The following PTPRT variants were observed in gnomAD, a reference collection of about 807,000 sequenced individuals.
The protein encoded by PTPRT is receptor-type tyrosine-protein phosphatase T.
PTPRT carries 56 observed loss-of-function variants against 176.8 expected under a neutral mutation model. That is an observed-to-expected ratio of 0.32 (90% CI 0.26 to 0.40). The LOEUF is 0.40. Ranked by LOEUF, PTPRT falls within the 10% of genes least tolerant of loss-of-function variation. The pLI is 1.00. For synonymous variants in PTPRT, 783 were observed against 739.0 expected (o/e 1.06, Z -0.96); for missense variants, 1,540 against 1,908.2 (o/e 0.81, Z 3.60).
intron 1 of PTPRT, among the ~76,000 whole-genome samples, chr20:43,063,020 T>C (rs1002538723): frequency 6.6e-6 from 1 of 152,284 alleles, no homozygotes; most frequent in Middle Eastern, 3.4e-3. Context: ...ACCTCCACAC[T>C]CAGAAAATTG....
intron 7 of PTPRT, among the ~76,000 whole-genome samples, chr20:42,669,037 G>A (rs2075369569): frequency 6.6e-6 from 1 of 151,880 alleles, no homozygotes; most frequent in Non-Finnish European, 1.5e-5. Flanking sequence ...GTCTCAATCA[G>A]AGGCTCCATA....
At chr20:42,554,861 TG>T (rs1261013704) in intron 7 of PTPRT, among the ~76,000 whole-genome samples, 15 of 152,230 alleles carry the variant, frequency 9.9e-5, no homozygotes, top group Middle Eastern at 3.4e-3. Context: ...TGAGGCAAGT[TG>T]GGGAGTTATT....
At chr20:42,147,838 A>G (rs1016252019) in intron 17 of PTPRT, among the ~76,000 whole-genome samples, 1 of 152,140 alleles carries the variant, frequency 6.6e-6, no homozygotes, top group African/African-American at 2.4e-5. Context: ...AGGGATGCCT[A>G]ATAGAGCCTC....
At chr20:42,253,311 G>T (rs771083558) in intron 13 of PTPRT, among the ~76,000 whole-genome samples, 1 of 152,104 alleles carries the variant, frequency 6.6e-6, no homozygotes, top group Non-Finnish European at 1.5e-5. Context: ...CCAGCAGTAG[G>T]TCCATATAGA....
At chr20:42,299,721 C>T (rs1370792613) in intron 12 of PTPRT, among the ~76,000 whole-genome samples, 2 of 137,146 alleles carry the variant, frequency 1.5e-5, no homozygotes, top group African/African-American at 5.5e-5. Context: ...TATCTCATCT[C>T]ACTGCAGCCT....
At chr20:42,529,545 G>T (rs2072341137) in intron 7 of PTPRT, among the ~76,000 whole-genome samples, 1 of 152,062 alleles carries the variant, frequency 6.6e-6, no homozygotes, top group African/African-American at 2.4e-5. Flanking sequence ...GGAGTACACT[G>T]GCATGATCTC....
chr20:42,086,751 A>AT (rs58059394), intron 27 of PTPRT, among the ~76,000 whole-genome samples: 4 of 96,562 alleles, frequency 4.1e-5, no homozygotes, highest in African/African-American at 1.5e-4. Flanking sequence ...AAAAAAAAAA[A>AT]AAATATATAT....
chr20:42,157,624 T>TCC (rs199994565), intron 17 of PTPRT, among the ~76,000 whole-genome samples: 19 of 151,046 alleles, frequency 1.3e-4, no homozygotes, highest in Non-Finnish European at 1.8e-4. Context: ...GGGATTTTCT[T>TCC]CCCCCCCCAA....
At position 42,452,622 on chromosome 20, in the gene PTPRT, C is replaced by T. The variant is rs147720498; in HGVS notation, c.1451-4293G>A. ...TTCATTCATTTGAGGGTCTATCTGA[C>T]GGAAATTGAGGAGGGTGTGTCTGAT... On this transcript the variant is annotated intron_variant, in intron 8 of 30. Coordinates refer to ENST00000373187, the MANE Select transcript of PTPRT (RefSeq NM_007050.6). 1.9e-3 allele frequency among the ~76,000 whole-genome samples: 282 copies of T among 152,042 alleles called. 1 individual carries two copies. The highest frequency in any genetic ancestry group is 6.1e-3 in the African/African-American group (251 of 41,462).
chr20:43,131,576 C>G (rs778928277), intron 1 of PTPRT, among the ~76,000 whole-genome samples: 8 of 152,178 alleles, frequency 5.3e-5, no homozygotes, highest in Non-Finnish European at 1.0e-4. Context: ...TAAGTATCCT[C>G]TGTCTTGTCA....
chr20:42,810,001 A>C (rs2077674178), intron 2 of PTPRT, among the ~76,000 whole-genome samples: 1 of 152,142 alleles, frequency 6.6e-6, no homozygotes, highest in South Asian at 2.1e-4. Context: ...TACTAATAAA[A>C]TAGAGTAGGG....
intron 9 of PTPRT, among the ~76,000 whole-genome samples, chr20:42,446,537 A>T (rs1001308157): frequency 1.3e-5 from 2 of 151,906 alleles, no homozygotes; most frequent in Non-Finnish European, 2.9e-5. Context: ...TCTGCTTTAC[A>T]AAGAAAAGTT....
chr20:42,355,944 C>T (rs1408912370), intron 9 of PTPRT, among the ~76,000 whole-genome samples: 1 of 152,172 alleles, frequency 6.6e-6, no homozygotes, highest in Non-Finnish European at 1.5e-5. Flanking sequence ...CCTGGTATTA[C>T]AGGATCCTCA....
chr20:42,725,040 T>G (rs1466697981), intron 6 of PTPRT, among the ~76,000 whole-genome samples: 1 of 151,392 alleles, frequency 6.6e-6, no homozygotes, highest in Non-Finnish European at 1.5e-5. Flanking sequence ...TGTGTGTGTG[T>G]GTTTGAGACT....
intron 2 of PTPRT, among the ~76,000 whole-genome samples, chr20:42,813,232 C>CG (rs2077726746): frequency 6.6e-6 from 1 of 152,126 alleles, no homozygotes; most frequent in Non-Finnish European, 1.5e-5. Context: ...CCTGAACCCT[C>CG]GCTTTATTGA....
At position 43,188,752 on chromosome 20, in the gene PTPRT, G is replaced by A. The variant is rs1009402331; in HGVS notation, c.88+894C>T. Reference sequence around the variant, plus strand: ...CTCTTCCCTCCGCCGCTACTCTTGGGGGGGGGGGGGCTCGGGGGTGGAAGC... The same window carrying A: ...CTCTTCCCTCCGCCGCTACTCTTGGAGGGGGGGGGGCTCGGGGGTGGAAGC... On this transcript the variant is annotated intron_variant, in intron 1 of 30. Transcript: ENST00000373187. Among the ~76,000 whole-genome samples the A allele has an allele frequency of 1.5e-5, 2 of 135,826 alleles. 1 individual carries two copies. Among genetic ancestry groups the A allele is most frequent in the Non-Finnish European group, 3.4e-5 (2 of 58,852 alleles). 89.1% of individuals were successfully genotyped at this position (135,826 alleles called of 152,430 possible).
chr20:42,329,516 C>T (rs1190761337), intron 11 of PTPRT, among the ~76,000 whole-genome samples: 1 of 151,568 alleles, frequency 6.6e-6, no homozygotes, highest in Non-Finnish European at 1.5e-5. Context: ...CACACACACA[C>T]ACACACACAG....
In PTPRT at chr20:42,609,883, A is replaced by G. The variant is rs180720824; in HGVS notation, c.1153+67983T>C. ...GCCGAGCGTGAGCACATTTTAAAAT[A>G]TACATTTCACCTCCATATGCAGATC... On this transcript the variant is annotated intron_variant, in intron 7 of 30. Coordinates refer to ENST00000373187, the MANE Select transcript of PTPRT (RefSeq NM_007050.6). Among the ~76,000 whole-genome samples the G allele has an allele frequency of 9.2e-5, 14 of 152,344 alleles. No individual in the cohort carries two copies. In the East Asian group the frequency reaches 2.5e-3, roughly 27 times the overall value.
rs2059118692 is a variant in PTPRT, at chr20:42,421,491, A to C, written c.1560+26729T>G. 2.0e-5 allele frequency among the ~76,000 whole-genome samples: 3 copies of C among 152,032 alleles called. No homozygotes were observed. In the South Asian group the frequency reaches 6.2e-4, roughly 31 times the overall value. On this transcript the variant is annotated intron_variant, in intron 9 of 30. Coordinates refer to ENST00000373187, the MANE Select transcript of PTPRT (RefSeq NM_007050.6). ...ACTAAGGTGGTAGGAGTGAAGACAG[A>C]GTTGTGGGATTTCAGGGACATGTGG...
Sources: gnomAD v4.1 joint callset for allele counts (sites outside exome capture counted in the v4.1 genomes callset) on GRCh38, gnomAD v4.1.1 for gene constraint, MANE v1.5 for transcripts, NCBI Gene and HGNC (gene_info 2026-07-23, HGNC 2026-07-21) for gene names.